Variants in METTL4 observed in about 807,000 individuals in gnomAD.
METTL4 encodes N(6)-adenine-specific methyltransferase METTL4.
METTL4 carries 40 observed loss-of-function variants against 54.0 expected under a neutral mutation model. That is an observed-to-expected ratio of 0.74 (90% CI 0.58 to 0.96). The LOEUF (loss-of-function observed/expected upper bound fraction) is 0.96. METTL4 is among the 50% of genes least tolerant of loss of function. The pLI is 0.00. For synonymous variants in METTL4, 169 were observed against 183.8 expected (o/e 0.92, Z 0.65); for missense variants, 525 against 549.0 (o/e 0.96, Z 0.44).
chr18:2,547,670 A>T, intron 5 of METTL4, 141 bp from the exon 6 acceptor site: 1 of 548,830 alleles, frequency 1.8e-6, no homozygotes, highest in Non-Finnish European at 3.0e-6. Flanking sequence ...ATAAAGCCAC[A>T]GTGACACCCA....
chr18:2,550,712 T>C (rs1345671091), intron 5 of METTL4, among the ~76,000 whole-genome samples: 2 of 152,190 alleles, frequency 1.3e-5, no homozygotes, highest in Non-Finnish European at 2.9e-5. Flanking sequence ...GGGGTAAGGA[T>C]ACAAATTAAA....
chr18:2,554,188 T>C (rs372149291), intron 4 of METTL4: 1 of 153,194 alleles, frequency 6.5e-6, no homozygotes, highest in Non-Finnish European at 1.5e-5. Flanking sequence ...TAAAGTCAAA[T>C]ACAGGTCTGT....
intron 1 of METTL4, 72 bp from the exon 2 acceptor site, chr18:2,567,726 G>A (rs1295152985): frequency 6.6e-6 from 1 of 152,306 alleles, no homozygotes; most frequent in Non-Finnish European, 1.5e-5. Context: ...TATCTAGAGA[G>A]GGGCATAGAA....
At chr18:2,550,076 G>A (rs893268723) in intron 5 of METTL4, among the ~76,000 whole-genome samples, 4 of 152,144 alleles carry the variant, frequency 2.6e-5, no homozygotes, top group South Asian at 4.2e-4. Context: ...TCCTGCCATC[G>A]AAACAAGTGC....
At chr18:2,539,995 T>C (rs1482007280) in intron 8 of METTL4, 2 of 978,966 alleles carry the variant, frequency 2.0e-6, no homozygotes, top group Admixed American at 1.2e-4. Context: ...TTGGTAGCAC[T>C]AAAAACATTT....
chr18:2,539,210 G>A (rs2071956810), intron 8 of METTL4, 65 bp from the exon 9 acceptor site: 1 of 1,269,214 alleles, frequency 7.9e-7, no homozygotes, highest in African/African-American at 1.5e-5. Context: ...CCTTTTAGCA[G>A]TTAAGAGTAG....
In METTL4 at chr18:2,544,786, G is replaced by C. The variant is rs767752064; in HGVS notation, c.1075-27C>G. 2.0e-6 allele frequency: 3 copies of C among 1,505,818 alleles called. No homozygotes were observed. In the Admixed American group the frequency reaches 5.1e-5, roughly 26 times the overall value. 93.3% of individuals were successfully genotyped at this position (1,505,818 alleles called of 1,614,324 possible). On this transcript the variant is annotated intron_variant, in intron 6 of 8. Coordinates refer to ENST00000574538, the MANE Select transcript of METTL4 (RefSeq NM_022840.5). ...TGATAGGAAGGAGCCAACAAAAGAG[G>C]GTTATTTTTTCCCATCACTATAGAG... is the stretch of plus-strand genomic sequence containing the variant.
rs139937992 is a variant in METTL4, at chr18:2,551,805, G to A, written c.899+890C>T. ...AGGTGAGGATCACTGAGGAGAAGAA[G>A]AAATTTCATATGAAGTTTAAGTCAA... On this transcript the variant is annotated intron_variant, in intron 5 of 8. Transcript: ENST00000574538. 2.5e-3 allele frequency among the ~76,000 whole-genome samples: 376 copies of A among 152,252 alleles called. 2 individuals carry two copies. Among genetic ancestry groups the A allele is most frequent in the African/African-American group, 8.6e-3 (356 of 41,554 alleles).
At chr18:2,559,224 T>C (rs946800191) in intron 3 of METTL4, among the ~76,000 whole-genome samples, 5 of 152,138 alleles carry the variant, frequency 3.3e-5, no homozygotes, top group Admixed American at 6.6e-5. Flanking sequence ...CAAAAGTCCA[T>C]AAACAAATGG....
At chr18:2,570,745 G>C (rs1302639740) in intron 1 of METTL4, among the ~76,000 whole-genome samples, 1 of 152,154 alleles carries the variant, frequency 6.6e-6, no homozygotes, top group East Asian at 1.9e-4. Flanking sequence ...AGAAAGGCAA[G>C]CTGCCCAAAA....
At chr18:2,544,346 C>A in intron 7 of METTL4, 60 bp from the exon 8 acceptor site, 2 of 1,206,774 alleles carry the variant, frequency 1.7e-6, no homozygotes, top group Non-Finnish European at 1.2e-6. Context: ...TATACATAAG[C>A]CACAGCTGCA....
Position 2,544,296 on chromosome 18 carries a change from C to T in METTL4, c.1182-10G>A. Reference sequence around the variant, plus strand: ...GTTTACATCTGCATTCCTAATTAAACAGAACAAGAAAGTAAACTATATTTT... The same window carrying T: ...GTTTACATCTGCATTCCTAATTAAATAGAACAAGAAAGTAAACTATATTTT... On this transcript the variant is annotated splice_polypyrimidine_tract_variant and intron_variant, in intron 7 of 8. Transcript: ENST00000574538. The T allele has an allele frequency of 1.3e-6, 2 of 1,595,676 alleles. No homozygotes were observed. The highest frequency in any genetic ancestry group is 2.7e-5 in the African/African-American group (2 of 74,366).
At chr18:2,550,503 C>T (rs1035926621) in intron 5 of METTL4, among the ~76,000 whole-genome samples, 1 of 152,140 alleles carries the variant, frequency 6.6e-6, no homozygotes, top group African/African-American at 2.4e-5. Context: ...TCTAGGTACA[C>T]ATCCAAGAGA....
At chr18:2,563,111 A>G (rs878868262) in intron 3 of METTL4, among the ~76,000 whole-genome samples, 3 of 152,074 alleles carry the variant, frequency 2.0e-5, no homozygotes, top group Admixed American at 2.0e-4. Context: ...CTCTGATCTC[A>G]TTTATCGCTA....
intron 3 of METTL4, among the ~76,000 whole-genome samples, chr18:2,559,263 T>C (rs1264522733): frequency 6.6e-6 from 1 of 152,212 alleles, no homozygotes; most frequent in Non-Finnish European, 1.5e-5. Flanking sequence ...TTACATAAAA[T>C]GGAATATTTT....
intron 4 of METTL4, 196 bp from the exon 5 acceptor site, chr18:2,552,960 T>C (rs1175397025): frequency 1.9e-6 from 1 of 526,216 alleles, no homozygotes; most frequent in Non-Finnish European, 3.4e-6. Flanking sequence ...ACCTCTAGAA[T>C]TGTATCATAA....
At chr18:2,565,303 A>C (rs1309000140) in intron 2 of METTL4, among the ~76,000 whole-genome samples, 2 of 152,106 alleles carry the variant, frequency 1.3e-5, no homozygotes, top group East Asian at 1.9e-4. Flanking sequence ...GGATCAACAC[A>C]TGAACACACA....
rs2071948991 is a variant in METTL4, at chr18:2,538,862, T to G, written c.*138A>C. The G allele has an allele frequency of 2.5e-6, 2 of 810,808 alleles. No individual in the cohort carries two copies. Among genetic ancestry groups the G allele is most frequent in the Admixed American group, 2.6e-5 (1 of 38,762 alleles). The allele number at this position is 810,808 out of a possible 1,614,324, so 50.2% of individuals were successfully genotyped here. ...AAATTACATGAAGGCTAGTCACTTC[T>G]GGTCCCTTACTGAAAAAAACAAGTC... is the stretch of plus-strand genomic sequence containing the variant. On this transcript the variant is annotated 3_prime_UTR_variant, in exon 9 of 9. Transcript: ENST00000574538.
chr18:2,561,091 A>C (rs1403090155), intron 3 of METTL4: 3 of 152,210 alleles, frequency 2.0e-5, no homozygotes, highest in Admixed American at 6.5e-5. Flanking sequence ...TGTTATTTCC[A>C]ACTCAGTTGA....
Sources: gnomAD v4.1 joint callset for allele counts (sites outside exome capture counted in the v4.1 genomes callset) on GRCh38, gnomAD v4.1.1 for gene constraint, MANE v1.5 for transcripts, NCBI Gene and HGNC (gene_info 2026-07-23, HGNC 2026-07-21) for gene names.